ZMIZ1: variants seen among roughly 807,000 people sequenced by gnomAD.
ZMIZ1 encodes the protein zinc finger MIZ-type containing 1, also known as zinc finger MIZ domain-containing protein 1.
ZMIZ1 carries 17 observed loss-of-function variants against 113.9 expected under a neutral mutation model. The ratio of observed to expected loss-of-function variants is 0.15; its 90% CI spans 0.10 to 0.22. ZMIZ1 has a LOEUF of 0.22. Among genes scored for constraint, ZMIZ1 ranks in the 10% least tolerant of loss-of-function variants. ZMIZ1 has a pLI of 1.00. For missense variants in ZMIZ1, 1,059 were observed against 1,477.8 expected (o/e 0.72, Z 4.65); for synonymous variants, 607 against 603.1 (o/e 1.01, Z -0.09).
intron 7 of ZMIZ1, among the ~76,000 whole-genome samples, chr10:79,233,413 C>T (rs528684369): frequency 3.6e-4 from 55 of 152,332 alleles, no homozygotes; most frequent in African/African-American, 1.1e-3. Context: ...GCACGCTCCC[C>T]GTAGATGGCA....
intron 5 of ZMIZ1, among the ~76,000 whole-genome samples, chr10:79,207,487 G>A (rs115173518): frequency 0.012 from 1,835 of 152,270 alleles, 30 homozygotes; most frequent in African/African-American, 0.042. Context: ...GGGGGGCATG[G>A]GAACCACCCC....
chr10:79,187,265 G>A (rs900943585), intron 4 of ZMIZ1, among the ~76,000 whole-genome samples: 8 of 152,178 alleles, frequency 5.3e-5, no homozygotes, highest in Admixed American at 4.6e-4. Context: ...ATATGGCCTG[G>A]GCCAAGCAGA....
At chr10:79,208,118 G>A (rs1452705278) in intron 5 of ZMIZ1, among the ~76,000 whole-genome samples, 3 of 141,500 alleles carry the variant, frequency 2.1e-5, no homozygotes, top group Non-Finnish European at 3.1e-5. Context: ...TCGGGGAGGT[G>A]GGGTGGAGGT....
intron 9 of ZMIZ1, 137 bp downstream of exon 9, chr10:79,290,026 G>A: frequency 4.7e-6 from 4 of 853,176 alleles, no homozygotes; most frequent in Middle Eastern, 4.6e-4. Context: ...ACACCCAGCT[G>A]TGGACACGTC....
chr10:79,263,521 T>C (rs1851394366), intron 7 of ZMIZ1, among the ~76,000 whole-genome samples: 1 of 152,074 alleles, frequency 6.6e-6, no homozygotes, highest in Non-Finnish European at 1.5e-5. Context: ...TTTGGGAAGA[T>C]TTGTGGGTGT....
chr10:79,297,693 A>G lies in ZMIZ1; in HGVS notation c.1491+3A>G, dbSNP rs1316620950. 1 of 1,613,340 alleles carries G rather than the reference A, an allele frequency of 6.2e-7. No individual in the cohort carries two copies. Among genetic ancestry groups the G allele is most frequent in the Non-Finnish European group, 8.5e-7 (1 of 1,179,342 alleles). On this transcript the variant is annotated splice_donor_region_variant and intron_variant, in intron 14 of 24. Transcript: ENST00000334512. ...ACAGCCAAGGGAATGTCAACAGGGT[A>G]TGTTCCAATTTAATTTACAAATTCT...
Position 79,152,241 on chromosome 10 carries a change from G to A in ZMIZ1, c.-130-9812G>A, listed in dbSNP as rs573267849. 3.9e-5 allele frequency among the ~76,000 whole-genome samples: 6 copies of A among 152,356 alleles called. No homozygotes were observed. The East Asian group carries it at 7.7e-4, about 20-fold the overall frequency. ...CAGCCCAGTACAGTGGCTCACACCT[G>A]TAATCCCAGCACTTTGGGAGGCTGA... On this transcript the variant is annotated intron_variant, in intron 3 of 24. Coordinates refer to ENST00000334512, the MANE Select transcript of ZMIZ1 (RefSeq NM_020338.4).
intron 7 of ZMIZ1, among the ~76,000 whole-genome samples, chr10:79,270,755 A>G (rs538589682): frequency 6.6e-6 from 1 of 152,218 alleles, no homozygotes; most frequent in South Asian, 2.1e-4. Context: ...TTCCCTGCGG[A>G]TGTGGCAGTG....
intron 8 of ZMIZ1, among the ~76,000 whole-genome samples, chr10:79,284,791 C>G (rs1268694111): frequency 6.6e-6 from 1 of 152,218 alleles, no homozygotes; most frequent in African/African-American, 2.4e-5. Context: ...GAACCTCTCT[C>G]CTGCTGGGCC....
At chr10:79,154,554 A>AC (rs1339434149) in intron 3 of ZMIZ1, among the ~76,000 whole-genome samples, 1 of 152,152 alleles carries the variant, frequency 6.6e-6, no homozygotes, top group Non-Finnish European at 1.5e-5. Context: ...TGGTCTGGCC[A>AC]CCCCCAGCTA....
chr10:79,127,673 GGCCCCTGCTCA>G (rs11269768), intron 2 of ZMIZ1, among the ~76,000 whole-genome samples: 29,390 of 152,066 alleles, frequency 0.19, 3,303 homozygotes, highest in East Asian at 0.41. Flanking sequence ...ACTCCAACCA[GGCCCCTGCTCA>G]GCCTTTTTAG....
chr10:79,146,820 C>T (rs1463582810), intron 3 of ZMIZ1, among the ~76,000 whole-genome samples: 2 of 152,206 alleles, frequency 1.3e-5, no homozygotes, highest in African/African-American at 4.8e-5. Flanking sequence ...AAGCAGAAAA[C>T]AAGTGCTTGG....
chr10:79,204,746 A>G (rs542527207), intron 5 of ZMIZ1, among the ~76,000 whole-genome samples: 124 of 152,324 alleles, frequency 8.1e-4, no homozygotes, highest in Non-Finnish European at 1.5e-3. Flanking sequence ...GAATGGATGG[A>G]TGGACATATG....
intron 4 of ZMIZ1, among the ~76,000 whole-genome samples, chr10:79,198,694 C>T (rs186032770): frequency 1.1e-4 from 16 of 152,308 alleles, no homozygotes; most frequent in Admixed American, 8.5e-4. Context: ...AATTCACACA[C>T]GTGTGATGTG....
At chr10:79,164,877 G>A (rs939317938) in intron 4 of ZMIZ1, among the ~76,000 whole-genome samples, 1 of 152,122 alleles carries the variant, frequency 6.6e-6, no homozygotes, top group Non-Finnish European at 1.5e-5. Flanking sequence ...TGCACTGATC[G>A]GGAGGAAGCC....
chr10:79,274,597 A>C (rs1852152337), intron 7 of ZMIZ1, among the ~76,000 whole-genome samples: 1 of 150,698 alleles, frequency 6.6e-6, no homozygotes, highest in Admixed American at 6.6e-5. Context: ...GAACACGCAC[A>C]ACATCCACTG....
At chr10:79,293,821 C>T (rs761001105) in intron 12 of ZMIZ1, 168 bp downstream of exon 12, 22 of 1,022,072 alleles carry the variant, frequency 2.2e-5, no homozygotes, top group Non-Finnish European at 3.1e-5. Flanking sequence ...CCTGGTTCTG[C>T]TGTTTCCCAA....
intron 7 of ZMIZ1, among the ~76,000 whole-genome samples, chr10:79,225,503 G>T (rs541253859): frequency 6.6e-6 from 1 of 152,182 alleles, no homozygotes; most frequent in East Asian, 1.9e-4. Context: ...GCTGAGGTGG[G>T]AGGATCACTT....
intron 7 of ZMIZ1, among the ~76,000 whole-genome samples, chr10:79,266,304 C>G (rs1851599784): frequency 1.3e-5 from 2 of 152,224 alleles, no homozygotes; most frequent in South Asian, 4.1e-4. Flanking sequence ...GAATTATGGG[C>G]ATGAAAGTGG....
Sources: allele counts gnomAD v4.1 joint callset (sites outside exome capture counted in the v4.1 genomes callset), GRCh38; gene constraint gnomAD v4.1.1; transcripts MANE v1.5; gene names NCBI Gene and HGNC (gene_info 2026-07-23, HGNC 2026-07-21).